FKBP5: variants seen among roughly 807,000 people sequenced by gnomAD.
FKBP5 encodes the protein FKBP prolyl isomerase 5.
FKBP5 carries 23 observed loss-of-function variants against 50.5 expected under a neutral mutation model. The ratio of observed to expected loss-of-function variants is 0.46; its 90% CI spans 0.33 to 0.65. The LOEUF (loss-of-function observed/expected upper bound fraction) is 0.65, where lower values mean the gene tolerates loss of function less well. Ranked by LOEUF, FKBP5 falls within the 30% of genes least tolerant of loss-of-function variation. FKBP5 has a pLI of 0.02. For synonymous variants in FKBP5, 176 were observed against 190.6 expected (o/e 0.92, Z 0.63); for missense variants, 411 against 553.1 (o/e 0.74, Z 2.58).
intron 1 of FKBP5, among the ~76,000 whole-genome samples, chr6:35,674,335 T>C (rs1012531112): frequency 5.9e-5 from 9 of 152,212 alleles, no homozygotes; most frequent in African/African-American, 2.2e-4. Flanking sequence ...ATGCTGGAGA[T>C]ACAGACTTAG....
chr6:35,586,633 A>C (rs957660378), intron 8 of FKBP5: 1 of 999,964 alleles, frequency 1.0e-6, no homozygotes, highest in African/African-American at 1.7e-5. Flanking sequence ...AGAAAGAAAA[A>C]TGATGTGAAA....
chr6:35,705,252 ATATATATT>A (rs1766283428), intron 2 of FKBP5, among the ~76,000 whole-genome samples: 2 of 4,628 alleles, frequency 4.3e-4, no homozygotes, highest in South Asian at 0.018. Context: ...ATATATATAT[ATATATATT>A]TTTTTTTTTT....
intron 5 of FKBP5, among the ~76,000 whole-genome samples, chr6:35,607,309 G>C (rs1308958714): frequency 6.6e-6 from 1 of 151,518 alleles, no homozygotes; most frequent in Non-Finnish European, 1.5e-5. Flanking sequence ...TGACTCAAAT[G>C]ATCCTCCCAC....
At chr6:35,602,698 G>A (rs75901890) in intron 5 of FKBP5, among the ~76,000 whole-genome samples, 1,757 of 152,102 alleles carry the variant, frequency 0.012, 32 homozygotes, top group African/African-American at 0.037. Flanking sequence ...TTTCCCCTAA[G>A]CTGTCCGCCT....
At chr6:35,630,049 T>C (rs1201036970) in intron 3 of FKBP5, among the ~76,000 whole-genome samples, 2 of 151,928 alleles carry the variant, frequency 1.3e-5, no homozygotes, top group Non-Finnish European at 2.9e-5. Context: ...GGCAGGAGGA[T>C]CACTGAAGCC....
At chr6:35,690,222 A>G (rs762216990), upstream of FKBP5, among the ~76,000 whole-genome samples, 5 of 152,172 alleles carry the variant, frequency 3.3e-5, no homozygotes, top group Non-Finnish European at 5.9e-5. Context: ...TAATCCCAGC[A>G]CTTTGGGAGG....
At position 35,620,227 on chromosome 6, in the gene FKBP5, C is replaced by T; in HGVS notation, c.298G>A (p.Gly100Arg). 1 of 1,614,170 alleles carries T rather than the reference C, an allele frequency of 6.2e-7. No individual in the cohort carries two copies. ...WDIGVATMKK[G>R]EICHLLCKPE... ...TTGCACAGTAAATGGCATATCTCTC[C>T]TTTCTTCATGGTAGCCACCCCAATG... Residue 100 changes from glycine (G) to arginine (R), a missense_variant, in exon 4 of 11, where the codon GGA (glycine) becomes AGA (arginine). Gly to Arg is a moderately radical substitution (Grantham distance 125). Coordinates refer to ENST00000357266, the MANE Select transcript of FKBP5 (RefSeq NM_004117.4).
chr6:35,656,851 C>T (rs141720418), intron 1 of FKBP5, among the ~76,000 whole-genome samples: 3,487 of 144,518 alleles, frequency 0.024, 68 homozygotes, highest in Non-Finnish European at 0.035. Context: ...GAGATGAGAT[C>T]GTGCCACTGC....
At chr6:35,594,330 G>C (rs900884940) in intron 6 of FKBP5, among the ~76,000 whole-genome samples, 1 of 151,952 alleles carries the variant, frequency 6.6e-6, no homozygotes, top group African/African-American at 2.4e-5. Context: ...AGGTGAAAGT[G>C]AGACCCTGTC....
chr6:35,638,513 G>C (rs1245660448), intron 2 of FKBP5, among the ~76,000 whole-genome samples: 1 of 152,072 alleles, frequency 6.6e-6, no homozygotes, highest in Non-Finnish European at 1.5e-5. Flanking sequence ...CTATCACTCA[G>C]CTCAAGTGAT....
chr6:35,589,124 A>ATTTT (rs1561846574), intron 7 of FKBP5, among the ~76,000 whole-genome samples: 15 of 127,290 alleles, frequency 1.2e-4, no homozygotes, highest in African/African-American at 3.4e-4. Context: ...ATATATATAT[A>ATTTT]TATATTTTTT....
chr6:35,583,836 A>G, intron 8 of FKBP5: 1 of 985,448 alleles, frequency 1.0e-6, no homozygotes, highest in Non-Finnish European at 1.2e-6. Context: ...ATCAAATCCT[A>G]GAGTCATAAA....
intron 1 of FKBP5, among the ~76,000 whole-genome samples, chr6:35,679,532 T>C (rs750635841): frequency 1.3e-5 from 2 of 152,208 alleles, no homozygotes; most frequent in Non-Finnish European, 2.9e-5. Context: ...TTGAAAAATA[T>C]ATAAGTTAAA....
At chr6:35,580,741 CTA>C in intron 8 of FKBP5, 2 of 435,782 alleles carry the variant, frequency 4.6e-6, no homozygotes, top group Non-Finnish European at 6.1e-6. Context: ...CAGCGTTTCA[CTA>C]TGTTGGCCAG....
At chr6:35,677,040 C>T (rs188126115) in intron 1 of FKBP5, among the ~76,000 whole-genome samples, 90 of 152,296 alleles carry the variant, frequency 5.9e-4, no homozygotes, top group Admixed American at 2.2e-3. Flanking sequence ...AGTGTCACGT[C>T]ATTTTCAGCG....
rs542648342 is a variant in FKBP5 at position 35,638,938 on chromosome 6, T to C, written c.106-1780A>G. On this transcript the variant is annotated intron_variant, in intron 2 of 10. Transcript: ENST00000357266. ...ATAAACAGTAACTGGGCATGTGGGATGAATGGCTACCAGAGAGTCAGAGAG... is the reference window on the plus strand; with the variant it reads ...ATAAACAGTAACTGGGCATGTGGGACGAATGGCTACCAGAGAGTCAGAGAG... Among the ~76,000 whole-genome samples the C allele has an allele frequency of 9.2e-5, 14 of 152,278 alleles. No homozygotes were observed. The South Asian group carries it at 2.9e-3, about 32-fold the overall frequency.
chr6:35,620,579 A>C (rs910389936), intron 3 of FKBP5, among the ~76,000 whole-genome samples: 6 of 150,748 alleles, frequency 4.0e-5, no homozygotes, highest in Non-Finnish European at 8.9e-5. Context: ...AAAAAAAAAA[A>C]CACCCCAAAG....
intron 5 of FKBP5, among the ~76,000 whole-genome samples, chr6:35,600,410 C>T (rs1385273403): frequency 6.7e-6 from 1 of 149,670 alleles, no homozygotes; most frequent in Non-Finnish European, 1.5e-5. Flanking sequence ...AGAGTGAGAC[C>T]GTCTCAAAAA....
At chr6:35,680,200 G>A (rs1206365029) in intron 1 of FKBP5, among the ~76,000 whole-genome samples, 2 of 152,110 alleles carry the variant, frequency 1.3e-5, no homozygotes, top group African/African-American at 4.8e-5. Context: ...GGAGGCCAAG[G>A]TGGGAGGATC....
Sources: gnomAD v4.1 joint callset for allele counts (sites outside exome capture counted in the v4.1 genomes callset) on GRCh38, gnomAD v4.1.1 for gene constraint, MANE v1.5 for transcripts, NCBI Gene and HGNC (gene_info 2026-07-23, HGNC 2026-07-21) for gene names.